RPL28: variants seen among roughly 807,000 people sequenced by gnomAD.
The protein encoded by RPL28 is ribosomal protein L28.
A neutral mutation model predicts 12.5 loss-of-function variants in RPL28; 4 were observed. The observed-to-expected ratio is 0.32, with a 90% CI of 0.16 to 0.73. The LOEUF is 0.73. RPL28 is among the 30% of genes least tolerant of loss of function. The probability of loss-of-function intolerance (pLI) is 0.66; values close to 1 mark genes in which losing one functional copy is unlikely to be tolerated. For missense variants in RPL28, 214 were observed against 197.7 expected (o/e 1.08, Z -0.49); for synonymous variants, 91 against 72.5 (o/e 1.26, Z -1.30).
chr19:55,393,423 A>G (rs2123292962), downstream of RPL28, among the ~76,000 whole-genome samples: 1 of 152,146 alleles, frequency 6.6e-6, no homozygotes, highest in South Asian at 2.1e-4. Context: ...ACTGTCTCCA[A>G]AAAAAGAAAA....
chr19:55,387,703 A>T (rs2089946402), intron 3 of RPL28: 1 of 1,406,348 alleles, frequency 7.1e-7, no homozygotes, highest in Non-Finnish European at 9.2e-7. Flanking sequence ...TGGTGGACAG[A>T]ATTGGGCTAT....
rs756637190 is a variant in RPL28 at position 55,386,558 on chromosome 19, C to T, written c.82-12C>T. On this transcript the variant is annotated splice_polypyrimidine_tract_variant and intron_variant, in intron 2 of 4. Transcript: ENST00000344063. ...CCCTTATTCACGATGCCTTGTGCCG[C>T]CTCCTTCCCAGGAGCCCAATAACTT... 5.6e-6 allele frequency: 9 copies of T among 1,601,978 alleles called. No homozygotes were observed. In the Admixed American group the frequency reaches 8.4e-5, roughly 15 times the overall value.
intron 4 of RPL28, among the ~76,000 whole-genome samples, chr19:55,402,267 T>C (rs867305292): frequency 2.0e-5 from 3 of 152,220 alleles, no homozygotes; most frequent in African/African-American, 7.2e-5. Context: ...GCTCCCCATC[T>C]TTCCAGATAC....
In RPL28 at chr19:55,391,095, A is replaced by T. The variant is rs756368971; in HGVS notation, c.*2763A>T. ...CATACAGAAGGTCCCTGATAAAGTT[A>T]GTAGCTGCCCTCATCAGAAACCAGG... On this transcript the variant is annotated 3_prime_UTR_variant, in exon 5 of 5. Coordinates refer to ENST00000344063, the MANE Select transcript of RPL28 (RefSeq NM_000991.5). The T allele has an allele frequency of 4.4e-5, 18 of 411,478 alleles. No individual in the cohort carries two copies. Among genetic ancestry groups the T allele is most frequent in the Non-Finnish European group, 5.9e-5 (18 of 304,550 alleles). 25.5% of individuals were successfully genotyped at this position (411,478 alleles called of 1,614,324 possible). A position where few individuals can be genotyped will look rare whatever the true frequency, so the allele number is the denominator to read the frequency against.
chr19:55,400,319 TTTTTAA>T (rs1428261893), intron 4 of RPL28: 1 of 152,232 alleles, frequency 6.6e-6, no homozygotes, highest in Non-Finnish European at 1.5e-5. Context: ...GCCTGGCCTA[TTTTTAA>T]TTTTTTTAAA....
rs972440601 is a variant in RPL28, at chr19:55,389,683, G to T, written c.*1351G>T. On this transcript the variant is annotated 3_prime_UTR_variant, in exon 5 of 5. Transcript: ENST00000344063. ...GTCTTGCCCAGCTCGAAGGAGAGCAGATCTGACCACTTGCCAGCCCCTGTC... is the reference window on the plus strand; with the variant it reads ...GTCTTGCCCAGCTCGAAGGAGAGCATATCTGACCACTTGCCAGCCCCTGTC... 2 of 985,486 alleles carry T rather than the reference G, an allele frequency of 2.0e-6. No individual in the cohort carries two copies. The highest frequency in any genetic ancestry group is 6.1e-5 in the Admixed American group (1 of 16,262). The allele number at this position is 985,486 out of a possible 1,614,324, so 61.0% of individuals were successfully genotyped here. A position where few individuals can be genotyped will look rare whatever the true frequency, so the allele number is the denominator to read the frequency against.
chr19:55,388,726 C>T lies in RPL28; in HGVS notation c.*394C>T, dbSNP rs149505260. The T allele has an allele frequency of 4.0e-4, 408 of 1,027,736 alleles. 1 individual carries two copies. The African/African-American group carries it at 6.3e-3, about 16-fold the overall frequency. 63.7% of individuals were successfully genotyped at this position (1,027,736 alleles called of 1,614,324 possible). Reference sequence around the variant, plus strand: ...GGCCCTGGGCCCTGGTGCTGTAGCACGGTTTGGGGACTTGGGGTGTTCCCA... The same window carrying T: ...GGCCCTGGGCCCTGGTGCTGTAGCATGGTTTGGGGACTTGGGGTGTTCCCA... On this transcript the variant is annotated 3_prime_UTR_variant, in exon 5 of 5. Transcript: ENST00000344063.
In RPL28 at chr19:55,398,646, G is replaced by T. The variant is rs546278090; in HGVS notation, c.325-4297G>T. On this transcript the variant is annotated intron_variant, in intron 4 of 4. Transcript: ENST00000560055. ...TCAAGTGTTTTTGCCAATTTTTCAT[G>T]TTTTTTTCTTATTCGTTTGTAGGAA... Among the ~76,000 whole-genome samples the T allele has an allele frequency of 1.6e-4, 24 of 152,224 alleles. 1 individual carries two copies. The highest frequency in any genetic ancestry group is 5.5e-4 in the African/African-American group (23 of 41,524).
chr19:55,394,846 T>A (rs568825373), downstream of RPL28, among the ~76,000 whole-genome samples: 1 of 152,162 alleles, frequency 6.6e-6, no homozygotes, highest in Non-Finnish European at 1.5e-5. Flanking sequence ...CGTGAGCCAC[T>A]GTGCCTGGCC....
intron 3 of RPL28, 36 bp downstream of exon 3, chr19:55,386,729 CT>C: frequency 1.2e-6 from 2 of 1,612,522 alleles, no homozygotes; most frequent in Middle Eastern, 1.7e-4. Flanking sequence ...AGAGCGGCCC[CT>C]TTCCCGGGTC....
At chr19:55,386,870 C>T in intron 3 of RPL28, 177 bp downstream of exon 3, 2 of 1,547,580 alleles carry the variant, frequency 1.3e-6, no homozygotes, top group South Asian at 1.2e-5. Context: ...CTGTGAGCCG[C>T]GCGCGTCTGA....
In RPL28 at chr19:55,391,785, G is replaced by A; in HGVS notation, c.*3453G>A. 1.5e-6 allele frequency: 2 copies of A among 1,325,700 alleles called. No individual in the cohort carries two copies. Among genetic ancestry groups the A allele is most frequent in the Non-Finnish European group, 9.7e-7 (1 of 1,031,316 alleles). 82.1% of individuals were successfully genotyped at this position (1,325,700 alleles called of 1,614,324 possible). ...CTTTTTATAAATATTTTGATCAGAT[G>A]GACTCATGATCACAGATGTCTTCAC... On this transcript the variant is annotated 3_prime_UTR_variant, in exon 5 of 5. Transcript: ENST00000344063.
chr19:55,386,476 G>A lies in RPL28; in HGVS notation c.81+38G>A, dbSNP rs757860597. ...CGGATGCGTGGCTCCTGCGGGAGGA[G>A]GGTCCTGAGTCTCTTGACTCTGGGT... On this transcript the variant is annotated intron_variant, in intron 2 of 4. Transcript: ENST00000344063. 9 of 1,610,734 alleles carry A rather than the reference G, an allele frequency of 5.6e-6. No individual in the cohort carries two copies. The East Asian group carries it at 2.0e-4, about 36-fold the overall frequency.
chr19:55,401,693 A>G, intron 4 of RPL28: 1 of 1,613,122 alleles, frequency 6.2e-7, no homozygotes, highest in East Asian at 2.2e-5. Flanking sequence ...TAGTTCTCCA[A>G]GAGCAGGCGG....
chr19:55,391,678 A>G lies in RPL28; in HGVS notation c.*3346A>G. 1 of 1,540,392 alleles carries G rather than the reference A, an allele frequency of 6.5e-7. No individual in the cohort carries two copies. The stretch of plus-strand genomic sequence containing the variant: ...AACATGCGTGTCGATAGACCCTACT[A>G]CTCAGGGTTGATGAGAAGATTAAAT... On this transcript the variant is annotated 3_prime_UTR_variant, in exon 5 of 5. Transcript: ENST00000344063.
At position 55,388,275 on chromosome 19, in the gene RPL28, CAGCCAGA is replaced by C; in HGVS notation, c.362_368del (p.Gln121LeufsTer2). The C allele has an allele frequency of 6.3e-7, 1 of 1,582,014 alleles. No individual in the cohort carries two copies. Among genetic ancestry groups the C allele is most frequent in the Non-Finnish European group, 8.6e-7 (1 of 1,164,700 alleles). ...TCCGCAGGGCCAGCGCCATCCTGCG[CAGCCAGA>C]AGCCTGTGATGGTGAAGAGGAAGCG... On this transcript the variant is annotated frameshift_variant, in exon 5 of 5. Transcript: ENST00000344063. LOFTEE classifies it high-confidence loss of function.
At position 55,390,641 on chromosome 19, in the gene RPL28, C is replaced by T; in HGVS notation, c.*2309C>T. 1.0e-6 allele frequency: 1 copy of T among 985,606 alleles called. No homozygotes were observed. Among genetic ancestry groups the T allele is most frequent in the Non-Finnish European group, 1.2e-6 (1 of 830,044 alleles). The allele number at this position is 985,606 out of a possible 1,614,324, so 61.1% of individuals were successfully genotyped here. The stretch of plus-strand genomic sequence containing the variant: ...CTGAATCCTCCCTGCTGTGTGGCCT[C>T]CCCTGGTCTCATCCGTAACACAGCC... On this transcript the variant is annotated 3_prime_UTR_variant, in exon 5 of 5. Coordinates refer to ENST00000344063, the MANE Select transcript of RPL28 (RefSeq NM_000991.5).
In RPL28 at chr19:55,390,667, C is replaced by T. The variant is rs1048716440; in HGVS notation, c.*2335C>T. 4.1e-6 allele frequency: 4 copies of T among 985,336 alleles called. No homozygotes were observed. Among genetic ancestry groups the T allele is most frequent in the Admixed American group, 6.2e-5 (1 of 16,260 alleles). The allele number at this position is 985,336 out of a possible 1,614,324, so 61.0% of individuals were successfully genotyped here. A position where few individuals can be genotyped will look rare whatever the true frequency, so the allele number is the denominator to read the frequency against. The stretch of plus-strand genomic sequence containing the variant: ...CCCTGGTCTCATCCGTAACACAGCC[C>T]AGCTTAGTGGGCCTCTGTTCCTGCG... On this transcript the variant is annotated 3_prime_UTR_variant, in exon 5 of 5. Transcript: ENST00000344063.
chr19:55,391,598 T>C lies in RPL28; in HGVS notation c.*3266T>C. ...GGTCAGGGCTCTGCTGCTCGGTGGC[T>C]GTGCAACCTTGGGCAAGTTCCTCAA... is the stretch of plus-strand genomic sequence containing the variant. On this transcript the variant is annotated 3_prime_UTR_variant, in exon 5 of 5. Transcript: ENST00000344063. The C allele has an allele frequency of 5.2e-6, 8 of 1,548,636 alleles. 1 individual carries two copies. In the South Asian group the frequency reaches 8.3e-5, roughly 16 times the overall value.
Sources: allele counts gnomAD v4.1 joint callset (sites outside exome capture counted in the v4.1 genomes callset), GRCh38; gene constraint gnomAD v4.1.1; transcripts MANE v1.5; gene names NCBI Gene and HGNC (gene_info 2026-07-23, HGNC 2026-07-21).